The following EPHB1 variants were observed in gnomAD, a reference collection of about 807,000 sequenced individuals.
The protein encoded by EPHB1 is ephrin type-B receptor 1.
A neutral mutation model predicts 94.4 loss-of-function variants in EPHB1; 30 were observed. That is an observed-to-expected ratio of 0.32 (90% CI 0.24 to 0.43). The LOEUF (loss-of-function observed/expected upper bound fraction) is 0.43. Ranked by LOEUF, EPHB1 falls within the 20% of genes least tolerant of loss-of-function variation. The pLI, the probability that EPHB1 is intolerant of heterozygous loss-of-function variation, is 1.00. For synonymous variants in EPHB1, 522 were observed against 489.1 expected, an observed-to-expected ratio of 1.07 and a Z score of -0.89; for missense variants, 1,055 against 1,308.3, an observed-to-expected ratio of 0.81 and a Z score of 2.99.
At chr3:135,019,362 G>T (rs1279829244) in intron 3 of EPHB1, among the ~76,000 whole-genome samples, 1 of 152,178 alleles carries the variant, frequency 6.6e-6, no homozygotes, top group Non-Finnish European at 1.5e-5. Context: ...GGGGGCCAAA[G>T]GGGAGTCATG....
intron 3 of EPHB1, among the ~76,000 whole-genome samples, chr3:134,996,729 T>C (rs1201705673): frequency 6.6e-6 from 1 of 152,124 alleles, no homozygotes; most frequent in Non-Finnish European, 1.5e-5. Context: ...ATCTTAGTTA[T>C]ATTAATTTGG....
chr3:135,057,733 A>G (rs532666900), intron 3 of EPHB1, among the ~76,000 whole-genome samples: 19 of 152,358 alleles, frequency 1.2e-4, no homozygotes, highest in African/African-American at 4.6e-4. Flanking sequence ...TATACATACA[A>G]GGTACATATA....
chr3:134,863,106 A>G (rs1451581421), intron 1 of EPHB1, among the ~76,000 whole-genome samples: 2 of 152,132 alleles, frequency 1.3e-5, no homozygotes, highest in African/African-American at 4.8e-5. Context: ...ATCTTCCCCC[A>G]TGCCTGTGCA....
chr3:134,819,431 G>T (rs925358883), intron 1 of EPHB1, among the ~76,000 whole-genome samples: 3 of 152,174 alleles, frequency 2.0e-5, no homozygotes, highest in African/African-American at 7.2e-5. Flanking sequence ...ATCTCCACTT[G>T]ACCAGTCTGT....
At chr3:135,008,188 G>T (rs1414414947) in intron 3 of EPHB1, among the ~76,000 whole-genome samples, 2 of 152,192 alleles carry the variant, frequency 1.3e-5, no homozygotes, top group African/African-American at 4.8e-5. Flanking sequence ...GAAGAGAGGA[G>T]GCTGGTTGCA....
chr3:135,179,748 G>T, intron 9 of EPHB1, 112 bp from the exon 10 acceptor site: 4 of 1,304,632 alleles, frequency 3.1e-6, no homozygotes, highest in Non-Finnish European at 4.3e-6. Context: ...TTGCAGCCTG[G>T]TGTGTAGGAG....
At chr3:135,219,221 T>C (rs1033897922) in intron 12 of EPHB1, among the ~76,000 whole-genome samples, 1 of 152,128 alleles carries the variant, frequency 6.6e-6, no homozygotes, top group Non-Finnish European at 1.5e-5. Flanking sequence ...GTGTGTTAGC[T>C]CTGGAAGGGC....
At chr3:135,147,575 G>T (rs1156883931) in intron 5 of EPHB1, among the ~76,000 whole-genome samples, 1 of 152,180 alleles carries the variant, frequency 6.6e-6, no homozygotes, top group East Asian at 1.9e-4. Flanking sequence ...GCATCACTCT[G>T]GGGGGTCACT....
At chr3:134,864,612 G>A (rs183569485) in intron 1 of EPHB1, among the ~76,000 whole-genome samples, 4 of 152,332 alleles carry the variant, frequency 2.6e-5, no homozygotes, top group Admixed American at 2.6e-4. Flanking sequence ...GGAGGGAAAT[G>A]AATTATTTTA....
chr3:135,067,448 G>A (rs956049543), intron 3 of EPHB1: 2 of 152,202 alleles, frequency 1.3e-5, no homozygotes, highest in Admixed American at 6.5e-5. Flanking sequence ...CCTCTGCTGA[G>A]TCATGCAGGT....
At chr3:134,833,031 G>A (rs2036606911) in intron 1 of EPHB1, among the ~76,000 whole-genome samples, 1 of 152,200 alleles carries the variant, frequency 6.6e-6, no homozygotes, top group Non-Finnish European at 1.5e-5. Context: ...TGGAGAAGAA[G>A]AGTCTTGAAT....
intron 4 of EPHB1, among the ~76,000 whole-genome samples, chr3:135,130,031 A>AG (rs1279355450): frequency 6.6e-6 from 1 of 152,178 alleles, no homozygotes; most frequent in African/African-American, 2.4e-5. Context: ...GTCAGGAAGC[A>AG]GGGGGGAAAT....
rs752774141 is a variant in EPHB1, at chr3:135,259,257, C to T, written c.*137C>T. On this transcript the variant is annotated 3_prime_UTR_variant, in exon 16 of 16. Transcript: ENST00000398015. Reference sequence around the variant, plus strand: ...GCATTTCCATCAGTGAAGAATCAACCGGACCTGTTGCTAGCAGGCAATCTC... The same window carrying T: ...GCATTTCCATCAGTGAAGAATCAACTGGACCTGTTGCTAGCAGGCAATCTC... 5.6e-5 allele frequency: 36 copies of T among 647,408 alleles called. No individual in the cohort carries two copies. Among genetic ancestry groups the T allele is most frequent in the Non-Finnish European group, 4.1e-5 (16 of 386,608 alleles). 40.1% of individuals were successfully genotyped at this position (647,408 alleles called of 1,614,324 possible).
intron 3 of EPHB1, among the ~76,000 whole-genome samples, chr3:135,027,544 C>G (rs1936234384): frequency 6.7e-6 from 1 of 149,722 alleles, no homozygotes; most frequent in Non-Finnish European, 1.5e-5. Flanking sequence ...TTGAACCAGC[C>G]TTGCATCCCA....
intron 1 of EPHB1, among the ~76,000 whole-genome samples, chr3:134,838,722 G>C (rs1411400786): frequency 6.6e-6 from 1 of 152,068 alleles, no homozygotes. Flanking sequence ...AAAATAAATG[G>C]GTGTATCTGG....
chr3:134,986,415 A>G (rs1166990020), intron 3 of EPHB1, among the ~76,000 whole-genome samples: 1 of 152,206 alleles, frequency 6.6e-6, no homozygotes, highest in South Asian at 2.1e-4. Context: ...GAGCATGTGC[A>G]TTGACATATG....
At chr3:135,217,433 C>CACACAT in intron 12 of EPHB1, among the ~76,000 whole-genome samples, 1 of 60,530 alleles carries the variant, frequency 1.7e-5, no homozygotes, top group Non-Finnish European at 4.0e-5. Flanking sequence ...ACCACACACA[C>CACACAT]ACACACACAC....
At chr3:135,023,370 C>A (rs1187356753) in intron 3 of EPHB1, among the ~76,000 whole-genome samples, 2 of 152,176 alleles carry the variant, frequency 1.3e-5, no homozygotes, top group Non-Finnish European at 2.9e-5. Flanking sequence ...TTGTGGGGAG[C>A]TGTCCTGTGC....
intron 6 of EPHB1, among the ~76,000 whole-genome samples, chr3:135,160,785 G>A (rs1199300433): frequency 1.3e-5 from 2 of 152,208 alleles, no homozygotes; most frequent in African/African-American, 4.8e-5. Context: ...AGCCCAGACT[G>A]GTGAAAGAAG....
Sources: allele counts gnomAD v4.1 joint callset (sites outside exome capture counted in the v4.1 genomes callset), GRCh38; gene constraint gnomAD v4.1.1; transcripts MANE v1.5; gene names NCBI Gene and HGNC (gene_info 2026-07-23, HGNC 2026-07-21).